The following ADAM17 variants were observed in gnomAD, a reference collection of about 807,000 sequenced individuals.
ADAM17 encodes disintegrin and metalloproteinase domain-containing protein 17.
ADAM17 carries 39 observed loss-of-function variants against 96.7 expected under a neutral mutation model. The ratio of observed to expected loss-of-function variants is 0.40; its 90% CI spans 0.31 to 0.53. ADAM17 has a LOEUF of 0.53. Among genes scored for constraint, ADAM17 ranks in the 20% least tolerant of loss-of-function variants. The probability of loss-of-function intolerance (pLI) is 0.44; values close to 1 mark genes in which losing one functional copy is unlikely to be tolerated. For synonymous variants in ADAM17, 344 were observed against 359.2 expected (o/e 0.96, Z 0.48); for missense variants, 777 against 1,013.2 (o/e 0.77, Z 3.17).
intron 11 of ADAM17, among the ~76,000 whole-genome samples, chr2:9,507,697 A>G (rs1572909560): frequency 6.6e-6 from 1 of 151,758 alleles, no homozygotes; most frequent in African/African-American, 2.4e-5. Flanking sequence ...CCCAGGCCCC[A>G]TTCTCATTAG....
chr2:9,541,230 C>T (rs1225001579), intron 2 of ADAM17, among the ~76,000 whole-genome samples: 1 of 152,078 alleles, frequency 6.6e-6, no homozygotes, highest in Non-Finnish European at 1.5e-5. Context: ...TCTATATCAC[C>T]TATACACACA....
chr2:9,522,649 A>T (rs891400302), intron 7 of ADAM17, among the ~76,000 whole-genome samples: 9 of 152,200 alleles, frequency 5.9e-5, no homozygotes, highest in African/African-American at 2.2e-4. Flanking sequence ...CAATTTATAT[A>T]ATTTACATAT....
At chr2:9,494,822 C>T in intron 14 of ADAM17, 55 bp from the exon 15 acceptor site, 4 of 1,596,840 alleles carry the variant, frequency 2.5e-6, no homozygotes, top group Non-Finnish European at 3.4e-6. Flanking sequence ...TGCCTCTCCT[C>T]CTGCCTCCTC....
chr2:9,499,293 A>C (rs969079208), intron 13 of ADAM17, among the ~76,000 whole-genome samples: 7 of 152,142 alleles, frequency 4.6e-5, no homozygotes, highest in Admixed American at 4.6e-4. Flanking sequence ...ATTTAAAAGA[A>C]AGCATTTTTC....
intron 11 of ADAM17, among the ~76,000 whole-genome samples, chr2:9,505,905 C>T (rs111592470): frequency 7.4e-4 from 112 of 152,278 alleles, no homozygotes; most frequent in African/African-American, 2.5e-3. Context: ...CATAATAGTA[C>T]ATTTTATATA....
chr2:9,551,845 G>A (rs1665600355), intron 1 of ADAM17, among the ~76,000 whole-genome samples: 1 of 152,076 alleles, frequency 6.6e-6, no homozygotes, highest in African/African-American at 2.4e-5. Context: ...CACTGTCTCG[G>A]CCACCCACAT....
Position 9,555,771 on chromosome 2 carries a change from GC to G in ADAM17, c.-167del. On this transcript the variant is annotated 5_prime_UTR_variant, in exon 1 of 19. Coordinates refer to ENST00000310823, the MANE Select transcript of ADAM17 (RefSeq NM_003183.6). The stretch of plus-strand genomic sequence containing the variant: ...GGAAGATTCTACCGCCAGGCTCGAC[GC>G]CCCCAGAAGTGCAGGTGGCGTTACC... 1.9e-6 allele frequency: 1 copy of G among 529,862 alleles called. No homozygotes were observed. Among genetic ancestry groups the G allele is most frequent in the Non-Finnish European group, 3.1e-6 (1 of 320,454 alleles). The allele number at this position is 529,862 out of a possible 1,614,324, so 32.8% of individuals were successfully genotyped here.
chr2:9,491,366 T>C (rs1662132432), intron 17 of ADAM17, among the ~76,000 whole-genome samples: 1 of 152,198 alleles, frequency 6.6e-6, no homozygotes, highest in African/African-American at 2.4e-5. Flanking sequence ...AGGAAATACA[T>C]TTTGGCGTTA....
Position 9,494,764 on chromosome 2 carries a change from GTTTCTGGAACAGAGAACAC to G in ADAM17, c.1784-16_1786del. The stretch of plus-strand genomic sequence containing the variant: ...GCAGCACACCTTGCAGGAGTTGTCA[GTTTCTGGAACAGAGAACAC>G]GCATTGACAGCTGGATTGTTCTGAG... On this transcript the variant is annotated splice_acceptor_variant and splice_polypyrimidine_tract_variant and coding_sequence_variant and intron_variant, in exon 15 of 19. Coordinates refer to ENST00000310823, the MANE Select transcript of ADAM17 (RefSeq NM_003183.6). LOFTEE classifies it high-confidence loss of function. 6.2e-7 allele frequency: 1 copy of G among 1,613,900 alleles called. No individual in the cohort carries two copies. Among genetic ancestry groups the G allele is most frequent in the Non-Finnish European group, 8.5e-7 (1 of 1,179,864 alleles).
At position 9,494,684 on chromosome 2, in the gene ADAM17, A is replaced by G. The variant is rs766635709; in HGVS notation, c.1867T>C (p.Phe623Leu). 3.1e-6 allele frequency: 5 copies of G among 1,614,128 alleles called. No individual in the cohort carries two copies. The highest frequency in any genetic ancestry group is 3.3e-5 in the Admixed American group (2 of 60,016). ...PYVDAEQKNL[F>L]LRKGKPCTVG... ...GTACAGGGCTTTCCTTTCCTCAAAA[A>G]TAAGTTCTTTTGTTCAGCATCGACA... Residue 623 changes from phenylalanine (F) to leucine (L), a missense_variant, in exon 15 of 19, where the codon TTT (phenylalanine) becomes CTT (leucine). This residue lies in a region of ADAM17 where 446 missense variants were observed against 664.7 expected (regional missense o/e 0.67). Coordinates refer to ENST00000310823, the MANE Select transcript of ADAM17 (RefSeq NM_003183.6).
intron 13 of ADAM17, among the ~76,000 whole-genome samples, chr2:9,498,843 C>G (rs1357729261): frequency 1.3e-5 from 2 of 152,184 alleles, no homozygotes; most frequent in Non-Finnish European, 2.9e-5. Flanking sequence ...TGTTGAGCAT[C>G]TGTTCTTAAA....
At chr2:9,502,650 G>A (rs1295393264) in intron 12 of ADAM17, among the ~76,000 whole-genome samples, 2 of 152,088 alleles carry the variant, frequency 1.3e-5, no homozygotes, top group East Asian at 1.9e-4. Flanking sequence ...GCCGAGGTGG[G>A]TGGATCACCT....
rs148473830 is a variant in ADAM17 at position 9,523,840 on chromosome 2, G to C, written c.754-502C>G. Among the ~76,000 whole-genome samples the C allele has an allele frequency of 5.6e-4, 85 of 151,438 alleles. 1 individual carries two copies. Among genetic ancestry groups the C allele is most frequent in the African/African-American group, 1.9e-3 (80 of 41,276 alleles). On this transcript the variant is annotated intron_variant, in intron 6 of 18. Transcript: ENST00000310823. ...CATTATGATGATCCACTTCCACTTA[G>C]TGAATAGTAAATGTATTTTTCTCTT...
At chr2:9,512,011 A>G (rs991679903) in intron 10 of ADAM17, among the ~76,000 whole-genome samples, 1 of 119,092 alleles carries the variant, frequency 8.4e-6, no homozygotes, top group Non-Finnish European at 2.0e-5. Context: ...ATATATATAC[A>G]TATAAACTTA....
intron 10 of ADAM17, among the ~76,000 whole-genome samples, chr2:9,511,818 A>T (rs1663758009): frequency 6.6e-6 from 1 of 151,952 alleles, no homozygotes; most frequent in African/African-American, 2.4e-5. Context: ...TAAAAATATA[A>T]AACCTAGCCA....
intron 1 of ADAM17, among the ~76,000 whole-genome samples, chr2:9,553,015 T>A (rs1446181280): frequency 6.6e-6 from 1 of 152,082 alleles, no homozygotes; most frequent in African/African-American, 2.4e-5. Flanking sequence ...CTTGACCAAC[T>A]CAATCTAATG....
intron 8 of ADAM17, among the ~76,000 whole-genome samples, chr2:9,519,295 TA>T (rs1033176212): frequency 2.6e-5 from 4 of 152,150 alleles, no homozygotes; most frequent in African/African-American, 9.7e-5. Context: ...AGTTCCGTGG[TA>T]AAAGGATGAG....
At chr2:9,517,573 G>T (rs993549741) in intron 10 of ADAM17, among the ~76,000 whole-genome samples, 2 of 152,182 alleles carry the variant, frequency 1.3e-5, no homozygotes, top group Non-Finnish European at 2.9e-5. Context: ...AAATAAGAGG[G>T]TGTGGGATGC....
intron 10 of ADAM17, among the ~76,000 whole-genome samples, chr2:9,515,671 T>TTGCAG (rs2125015570): frequency 6.7e-6 from 1 of 150,306 alleles, no homozygotes; most frequent in East Asian, 2.0e-4. Flanking sequence ...GAGGCAGAGG[T>TTGCAG]TGCAGTGAGC....
Sources: gnomAD v4.1 joint callset for allele counts (sites outside exome capture counted in the v4.1 genomes callset) on GRCh38, gnomAD v4.1.1 for gene constraint, gnomAD v4.1.1 regional missense constraint, MANE v1.5 for transcripts, NCBI Gene and HGNC (gene_info 2026-07-23, HGNC 2026-07-21) for gene names.